AAGAB: variants seen among roughly 807,000 people sequenced by gnomAD.
AAGAB encodes the protein alpha and gamma adaptin binding protein, also known as alpha- and gamma-adaptin-binding protein p34.
Under a neutral mutation model 44.1 loss-of-function variants are expected in AAGAB, and 38 were observed. The observed-to-expected ratio is 0.86, with a 90% CI of 0.67 to 1.13. AAGAB has a LOEUF of 1.13. Among genes scored for constraint, AAGAB ranks in the 50% most tolerant of loss-of-function variants. The pLI is 0.00. For synonymous variants in AAGAB, 131 were observed against 131.8 expected, an observed-to-expected ratio of 0.99 and a Z score of 0.04; for missense variants, 450 against 373.8, an observed-to-expected ratio of 1.20 and a Z score of -1.68.
At chr15:67,223,475 C>G (rs1245241867) in intron 5 of AAGAB, among the ~76,000 whole-genome samples, 1 of 152,148 alleles carries the variant, frequency 6.6e-6, no homozygotes, top group Non-Finnish European at 1.5e-5. Flanking sequence ...TTTCTCATAT[C>G]TCATATCTAA....
rs1468716322 is a variant in AAGAB at position 67,205,988 on chromosome 15, T to C, written c.716-1840A>G. Among the ~76,000 whole-genome samples the C allele has an allele frequency of 2.6e-5, 4 of 152,338 alleles. No homozygotes were observed. In the East Asian group the frequency reaches 7.7e-4, roughly 29 times the overall value. ...ATCGTTTATGACCATGGTACAATTA[T>C]AAAAATCAAGAAGTTAATATTGGTA... On this transcript the variant is annotated intron_variant, in intron 7 of 9. Transcript: ENST00000261880.
intron 5 of AAGAB, among the ~76,000 whole-genome samples, chr15:67,226,098 C>A (rs946297700): frequency 2.0e-5 from 3 of 151,948 alleles, no homozygotes; most frequent in Non-Finnish European, 4.4e-5. Context: ...TTGTGATTTG[C>A]ATTTTCCTGG....
upstream of AAGAB, chr15:67,254,876 T>G: frequency 1.9e-6 from 3 of 1,611,920 alleles, no homozygotes; most frequent in Non-Finnish European, 2.5e-6. Flanking sequence ...TCCGCGGAGG[T>G]AGCCGTTCCC....
chr15:67,214,982 A>G (rs918695641), intron 5 of AAGAB, among the ~76,000 whole-genome samples: 2 of 146,560 alleles, frequency 1.4e-5, no homozygotes, highest in Admixed American at 6.8e-5. Flanking sequence ...ATTTTCAATG[A>G]AAAAAAAAAG....
rs1336713952 is a variant in AAGAB, at chr15:67,204,235, T to G, written c.716-87A>C. 1.0e-5 allele frequency: 9 copies of G among 900,846 alleles called. No individual in the cohort carries two copies. In the East Asian group the frequency reaches 2.3e-4, roughly 23 times the overall value. The allele number at this position is 900,846 out of a possible 1,614,324, so 55.8% of individuals were successfully genotyped here. On this transcript the variant is annotated intron_variant, in intron 7 of 9. Coordinates refer to ENST00000261880, the MANE Select transcript of AAGAB (RefSeq NM_024666.5). ...ATCCTAAGGCAAATGCTAACCTTGA[T>G]GAAGTCACCAATGATCGAAGGCCCA...
intron 7 of AAGAB, among the ~76,000 whole-genome samples, chr15:67,204,552 T>C (rs1194520700): frequency 1.3e-5 from 2 of 152,092 alleles, no homozygotes; most frequent in East Asian, 1.9e-4. Flanking sequence ...GTACAACAAA[T>C]ATTTTCACAT....
chr15:67,214,847 A>T (rs1344160536), intron 5 of AAGAB, among the ~76,000 whole-genome samples: 1 of 151,958 alleles, frequency 6.6e-6, no homozygotes, highest in African/African-American at 2.4e-5. Flanking sequence ...TCACCGTGTT[A>T]GCCAGGATGG....
chr15:67,201,085 C>A lies in AAGAB; in HGVS notation c.*1736G>T, dbSNP rs1963559364. 6.6e-6 allele frequency: 1 copy of A among 152,222 alleles called. No individual in the cohort carries two copies. The highest frequency in any genetic ancestry group is 1.5e-5 in the Non-Finnish European group (1 of 68,020). 9.4% of individuals were successfully genotyped at this position (152,222 alleles called of 1,614,324 possible). Reference sequence around the variant, plus strand: ...TTTGTTTAATCTACAAAATCAAATTCACAGCTTTTTCTAGTCTGGTCTGTT... The same window carrying A: ...TTTGTTTAATCTACAAAATCAAATTAACAGCTTTTTCTAGTCTGGTCTGTT... On this transcript the variant is annotated 3_prime_UTR_variant, in exon 10 of 10. Transcript: ENST00000261880.
intron 5 of AAGAB, among the ~76,000 whole-genome samples, chr15:67,227,727 A>G (rs572099432): frequency 2.6e-5 from 4 of 152,318 alleles, no homozygotes; most frequent in African/African-American, 9.6e-5. Flanking sequence ...GAAGAGTAGT[A>G]TGACCCACCA....
chr15:67,249,443 T>C (rs1040595827), intron 1 of AAGAB, among the ~76,000 whole-genome samples: 1 of 152,222 alleles, frequency 6.6e-6, no homozygotes, highest in African/African-American at 2.4e-5. Context: ...ATAGCATCTC[T>C]GAGTTCACTC....
At chr15:67,236,905 T>C (rs1202140787) in intron 1 of AAGAB, 85 bp from the exon 2 acceptor site, 14 of 1,095,654 alleles carry the variant, frequency 1.3e-5, no homozygotes, top group Non-Finnish European at 1.8e-5. Flanking sequence ...CAGATAAAGC[T>C]GGTACTTTTG....
At chr15:67,247,820 C>A (rs1482016537) in intron 1 of AAGAB, among the ~76,000 whole-genome samples, 2 of 152,174 alleles carry the variant, frequency 1.3e-5, no homozygotes, top group Non-Finnish European at 2.9e-5. Context: ...CAACTACCAT[C>A]AAAAAATAAA....
intron 1 of AAGAB, among the ~76,000 whole-genome samples, chr15:67,242,174 A>G (rs1258037868): frequency 7.0e-6 from 1 of 142,224 alleles, no homozygotes; most frequent in Non-Finnish European, 1.6e-5. Context: ...CTGTAATCCC[A>G]GCACTTTGGG....
rs59817309 is a variant in AAGAB at position 67,242,429 on chromosome 15, C to CAAAAAA, written c.74-5615_74-5610dup. On this transcript the variant is annotated intron_variant, in intron 1 of 9. Coordinates refer to ENST00000261880, the MANE Select transcript of AAGAB (RefSeq NM_024666.5). ...TGGGCGACAGAGCGAGACTCCGTCT[C>CAAAAAA]AAAAAAAAAAAAAAAAAAAAAAAAA... 1.0e-4 allele frequency among the ~76,000 whole-genome samples: 6 copies of CAAAAAA among 58,752 alleles called. 1 individual carries two copies. Among genetic ancestry groups the CAAAAAA allele is most frequent in the African/African-American group, 3.3e-4 (6 of 18,312 alleles). 38.5% of individuals were successfully genotyped at this position (58,752 alleles called of 152,430 possible).
chr15:67,254,700 C>T, upstream of AAGAB: 2 of 1,500,436 alleles, frequency 1.3e-6, no homozygotes, highest in South Asian at 1.2e-5. Context: ...GCCGCCGGCG[C>T]GAGGGGGAGA....
upstream of AAGAB, chr15:67,255,040 G>C (rs1028764821): frequency 7.2e-6 from 9 of 1,255,888 alleles, no homozygotes; most frequent in South Asian, 1.1e-4. Flanking sequence ...TCACCCATTT[G>C]GTGCGCCGCC....
rs760834990 is a variant in AAGAB, at chr15:67,251,089, C to T, written c.73+3470G>A. 5.9e-5 allele frequency among the ~76,000 whole-genome samples: 9 copies of T among 152,114 alleles called. No individual in the cohort carries two copies. The South Asian group carries it at 8.3e-4, about 14-fold the overall frequency. On this transcript the variant is annotated intron_variant, in intron 1 of 9. Coordinates refer to ENST00000261880, the MANE Select transcript of AAGAB (RefSeq NM_024666.5). Reference sequence around the variant, plus strand: ...CCCCGTCAGTAATGCCCCTTTTATCCGATGTCAGACATCCACCCAGAATAC... The same window carrying T: ...CCCCGTCAGTAATGCCCCTTTTATCTGATGTCAGACATCCACCCAGAATAC...
chr15:67,231,957 C>T (rs1964347412), intron 4 of AAGAB, 60 bp from the exon 5 acceptor site: 1 of 1,441,836 alleles, frequency 6.9e-7, no homozygotes, highest in Non-Finnish European at 9.7e-7. Context: ...TATACATATA[C>T]ATTCACAAAA....
chr15:67,203,183 G>A (rs1963606765), intron 9 of AAGAB, among the ~76,000 whole-genome samples: 1 of 152,166 alleles, frequency 6.6e-6, no homozygotes, highest in African/African-American at 2.4e-5. Flanking sequence ...GTCCAAAAGG[G>A]AACAGGATAA....
Sources: gnomAD v4.1 joint callset for allele counts (sites outside exome capture counted in the v4.1 genomes callset) on GRCh38, gnomAD v4.1.1 for gene constraint, MANE v1.5 for transcripts, NCBI Gene and HGNC (gene_info 2026-07-23, HGNC 2026-07-21) for gene names.